GFRA1: variants seen among roughly 807,000 people sequenced by gnomAD.
The protein encoded by GFRA1 is GDNF family receptor alpha 1.
In GFRA1, 16 loss-of-function variants were observed where a neutral mutation model predicts 51.6. The ratio of observed to expected loss-of-function variants is 0.31; its 90% confidence interval spans 0.21 to 0.47. The LOEUF (loss-of-function observed/expected upper bound fraction) is 0.47. Among genes scored for constraint, GFRA1 ranks in the 20% least tolerant of loss-of-function variants. The pLI is 1.00. For synonymous variants in GFRA1, 270 were observed against 241.3 expected, an observed-to-expected ratio of 1.12 and a Z score of -1.10; for missense variants, 530 against 594.3, an observed-to-expected ratio of 0.89 and a Z score of 1.13.
Position 116,061,917 on chromosome 10 carries a change from C to T in GFRA1, c.*2481G>A, listed in dbSNP as rs868126555. 2.8e-5 allele frequency: 11 copies of T among 398,308 alleles called. No homozygotes were observed. The highest frequency in any genetic ancestry group is 4.4e-5 in the Non-Finnish European group (10 of 225,940). The allele number at this position is 398,308 out of a possible 1,614,324, so 24.7% of individuals were successfully genotyped here. A position where few individuals can be genotyped will look rare whatever the true frequency, so the allele number is the denominator to read the frequency against. On this transcript the variant is annotated 3_prime_UTR_variant, in exon 11 of 11. Coordinates refer to ENST00000355422, the MANE Select transcript of GFRA1 (RefSeq NM_005264.8). ...CTTGCTTTGATAAGAATCTCTCTAACGTGTTGTCCCTGAACAAGATGCTTC... is the reference window on the plus strand; with the variant it reads ...CTTGCTTTGATAAGAATCTCTCTAATGTGTTGTCCCTGAACAAGATGCTTC...
At chr10:116,086,828 T>C (rs1956121405) in intron 9 of GFRA1, among the ~76,000 whole-genome samples, 1 of 152,142 alleles carries the variant, frequency 6.6e-6, no homozygotes, top group Non-Finnish European at 1.5e-5. Context: ...GTTTTCTGTT[T>C]TTGTTTTGAG....
At chr10:116,253,982 C>T (rs749056666) in intron 4 of GFRA1, among the ~76,000 whole-genome samples, 1 of 152,052 alleles carries the variant, frequency 6.6e-6, no homozygotes, top group Non-Finnish European at 1.5e-5. Flanking sequence ...ATGCCCCTCA[C>T]GCATACTCAA....
intron 8 of GFRA1, among the ~76,000 whole-genome samples, chr10:116,092,640 G>A (rs1381990734): frequency 1.3e-5 from 2 of 152,102 alleles, no homozygotes; most frequent in Non-Finnish European, 2.9e-5. Flanking sequence ...AAAGCTCTTA[G>A]GACACAGGGG....
chr10:116,104,050 G>A (rs756075359), intron 6 of GFRA1, among the ~76,000 whole-genome samples: 3 of 152,122 alleles, frequency 2.0e-5, no homozygotes, highest in Admixed American at 6.5e-5. Context: ...CAAAGGGTCT[G>A]GGGAGGTCCA....
At chr10:116,129,219 A>G (rs1459888994) in intron 5 of GFRA1, among the ~76,000 whole-genome samples, 2 of 152,228 alleles carry the variant, frequency 1.3e-5, no homozygotes, top group African/African-American at 2.4e-5. Context: ...GAACTGAACA[A>G]AGACAAAAGA....
intron 6 of GFRA1, among the ~76,000 whole-genome samples, chr10:116,098,159 T>C (rs1280499571): frequency 6.6e-6 from 1 of 152,176 alleles, no homozygotes; most frequent in Non-Finnish European, 1.5e-5. Context: ...ATGCTGGAGA[T>C]CTGCTTTATT....
At chr10:116,069,805 C>T (rs1955292624) in intron 9 of GFRA1, among the ~76,000 whole-genome samples, 1 of 152,186 alleles carries the variant, frequency 6.6e-6, no homozygotes, top group Non-Finnish European at 1.5e-5. Flanking sequence ...TAGCTCTCAG[C>T]CCAGTCCCTA....
chr10:116,144,431 A>G (rs946839671), intron 5 of GFRA1, among the ~76,000 whole-genome samples: 1 of 152,128 alleles, frequency 6.6e-6, no homozygotes, highest in South Asian at 2.1e-4. Flanking sequence ...TGGGATATAA[A>G]TGCTGTGCTA....
At chr10:116,109,048 C>T (rs1957101417) in intron 6 of GFRA1, among the ~76,000 whole-genome samples, 1 of 152,222 alleles carries the variant, frequency 6.6e-6, no homozygotes. Context: ...GCTCCAACTA[C>T]ATTCACATAG....
chr10:116,170,747 A>T (rs1960940620), intron 5 of GFRA1, among the ~76,000 whole-genome samples: 1 of 152,244 alleles, frequency 6.6e-6, no homozygotes, highest in South Asian at 2.1e-4. Flanking sequence ...GTTTATGTAA[A>T]TGTAAACCTA....
At chr10:116,266,530 TC>T (rs1244351144) in intron 4 of GFRA1, among the ~76,000 whole-genome samples, 1 of 152,188 alleles carries the variant, frequency 6.6e-6, no homozygotes, top group African/African-American at 2.4e-5. Flanking sequence ...CTGTCAGAGG[TC>T]AAATCACATT....
intron 9 of GFRA1, among the ~76,000 whole-genome samples, chr10:116,086,172 G>A (rs1327225111): frequency 6.6e-6 from 1 of 152,196 alleles, no homozygotes; most frequent in Non-Finnish European, 1.5e-5. Context: ...GCTGTGAGGA[G>A]TGCAGAGGGC....
intron 5 of GFRA1, among the ~76,000 whole-genome samples, chr10:116,148,995 T>C (rs1278920929): frequency 6.6e-6 from 1 of 151,914 alleles, no homozygotes; most frequent in Non-Finnish European, 1.5e-5. Flanking sequence ...GTTGTACACA[T>C]TCAGAAAAGG....
At chr10:116,171,009 C>T (rs981781894) in intron 5 of GFRA1, among the ~76,000 whole-genome samples, 9 of 152,208 alleles carry the variant, frequency 5.9e-5, no homozygotes, top group Admixed American at 2.6e-4. Flanking sequence ...AATCTTTCTA[C>T]GTTTACTTAT....
intron 9 of GFRA1, among the ~76,000 whole-genome samples, chr10:116,087,886 A>T (rs1315270391): frequency 6.6e-6 from 1 of 152,184 alleles, no homozygotes; most frequent in African/African-American, 2.4e-5. Context: ...TCGCTGCAGG[A>T]TGGAGCAGTT....
At chr10:116,200,116 A>C (rs1964211360) in intron 5 of GFRA1, among the ~76,000 whole-genome samples, 1 of 152,126 alleles carries the variant, frequency 6.6e-6, no homozygotes, top group Non-Finnish European at 1.5e-5. Context: ...TCTCCTACTG[A>C]TGGACACCTG....
intron 5 of GFRA1, among the ~76,000 whole-genome samples, chr10:116,160,776 C>T (rs928377581): frequency 3.3e-5 from 5 of 152,208 alleles, no homozygotes; most frequent in Non-Finnish European, 7.3e-5. Context: ...GACCACCAGG[C>T]ACACAGCCAT....
chr10:116,091,657 G>C (rs969719448), intron 8 of GFRA1, among the ~76,000 whole-genome samples: 1 of 152,336 alleles, frequency 6.6e-6, no homozygotes, highest in Non-Finnish European at 1.5e-5. Flanking sequence ...CATGAAAGGA[G>C]AATCTGGGAG....
At position 116,271,015 on chromosome 10, in the gene GFRA1, G is replaced by A; in HGVS notation, c.141C>T (p.Arg47=). Residue 47 remains arginine (R), a synonymous_variant, in exon 3 of 11, where the codon CGC becomes CGT. Coordinates refer to ENST00000355422, the MANE Select transcript of GFRA1 (RefSeq NM_005264.8). ...LKEQSCSTKY[R]TLRQCVAGKE... The stretch of plus-strand genomic sequence containing the variant: ...TGCCCGCCACGCACTGCCTTAGCGT[G>A]CGGTACTTGGTGCTGCAGCTCTGCT... 6.2e-7 allele frequency: 1 copy of A among 1,614,248 alleles called. No homozygotes were observed. Among genetic ancestry groups the A allele is most frequent in the Non-Finnish European group, 8.5e-7 (1 of 1,180,050 alleles).
Sources: gnomAD v4.1 joint callset for allele counts (sites outside exome capture counted in the v4.1 genomes callset) on GRCh38, gnomAD v4.1.1 for gene constraint, MANE v1.5 for transcripts, NCBI Gene and HGNC (gene_info 2026-07-23, HGNC 2026-07-21) for gene names.